The following ADAM23 variants were observed in gnomAD, a reference collection of about 807,000 sequenced individuals.
The protein encoded by ADAM23 is ADAM metallopeptidase domain 23.
ADAM23 carries 33 observed loss-of-function variants against 120.1 expected under a neutral mutation model. That is an observed-to-expected ratio of 0.27 (90% CI 0.21 to 0.37). The LOEUF is 0.37. Ranked by LOEUF, ADAM23 falls within the 10% of genes least tolerant of loss-of-function variation. ADAM23 has a pLI of 1.00. For synonymous variants in ADAM23, 367 were observed against 375.2 expected (o/e 0.98, Z 0.25); for missense variants, 862 against 1,058.2 (o/e 0.81, Z 2.57).
intron 3 of ADAM23, among the ~76,000 whole-genome samples, chr2:206,523,270 A>G (rs896526173): frequency 4.7e-5 from 7 of 149,632 alleles, no homozygotes; most frequent in African/African-American, 1.7e-4. Flanking sequence ...GCAATCTCTC[A>G]TATGGTTTAG....
chr2:206,468,257 C>G (rs181090572), intron 2 of ADAM23, among the ~76,000 whole-genome samples: 1 of 152,314 alleles, frequency 6.6e-6, no homozygotes, highest in East Asian at 1.9e-4. Context: ...GGCCAGGCTG[C>G]AAATTTTCCA....
At chr2:206,470,286 A>G (rs1056490469) in intron 2 of ADAM23, among the ~76,000 whole-genome samples, 1 of 152,174 alleles carries the variant, frequency 6.6e-6, no homozygotes, top group African/African-American at 2.4e-5. Context: ...TCAAGGCTCC[A>G]TCTAATTTTC....
At chr2:206,550,688 G>A (rs1371781326) in intron 9 of ADAM23, among the ~76,000 whole-genome samples, 1 of 146,756 alleles carries the variant, frequency 6.8e-6, no homozygotes, top group African/African-American at 2.5e-5. Flanking sequence ...TGCAAGCTCC[G>A]CCTCCCGGGT....
intron 25 of ADAM23, among the ~76,000 whole-genome samples, chr2:206,614,616 C>A (rs1222006378): frequency 1.3e-5 from 2 of 151,790 alleles, no homozygotes; most frequent in Non-Finnish European, 2.9e-5. Context: ...TGCGCCATTG[C>A]ACTCCAGCCT....
intron 3 of ADAM23, among the ~76,000 whole-genome samples, chr2:206,512,496 T>C (rs1195807581): frequency 6.6e-6 from 1 of 152,224 alleles, no homozygotes; most frequent in Non-Finnish European, 1.5e-5. Context: ...CTAAAAACTT[T>C]TGTATAAAAA....
intron 2 of ADAM23, among the ~76,000 whole-genome samples, chr2:206,477,641 A>G (rs1014786946): frequency 2.6e-5 from 4 of 152,022 alleles, no homozygotes; most frequent in African/African-American, 9.7e-5. Context: ...CTAGGATCTG[A>G]TTTTGTATTA....
intron 1 of ADAM23, 29 bp downstream of exon 1, chr2:206,444,109 G>A: frequency 7.9e-7 from 1 of 1,266,108 alleles, no homozygotes; most frequent in Non-Finnish European, 1.0e-6. Flanking sequence ...CCTTTGCGTT[G>A]GCTTTCCCGC....
At chr2:206,550,911 T>G (rs1478414233) in intron 9 of ADAM23, among the ~76,000 whole-genome samples, 1 of 152,230 alleles carries the variant, frequency 6.6e-6, no homozygotes, top group Non-Finnish European at 1.5e-5. Context: ...ACTTATCGTC[T>G]TTAAATATTG....
intron 24 of ADAM23, among the ~76,000 whole-genome samples, chr2:206,602,882 A>T (rs1698665362): frequency 6.6e-6 from 1 of 152,196 alleles, no homozygotes; most frequent in Non-Finnish European, 1.5e-5. Context: ...CCAACAAGTA[A>T]TGGAAATAAG....
At chr2:206,508,261 C>T (rs1449580280) in intron 3 of ADAM23, among the ~76,000 whole-genome samples, 2 of 152,122 alleles carry the variant, frequency 1.3e-5, no homozygotes, top group African/African-American at 4.8e-5. Flanking sequence ...GATCTGACCT[C>T]GTGATCCGCC....
intron 8 of ADAM23, 30 bp from the exon 9 acceptor site, chr2:206,550,065 A>C: frequency 7.0e-7 from 1 of 1,419,468 alleles, no homozygotes; most frequent in Non-Finnish European, 9.9e-7. Context: ...GTCAATCACT[A>C]TTCTGACCAT....
chr2:206,595,497 G>GA (rs887347823), intron 23 of ADAM23, among the ~76,000 whole-genome samples: 3 of 149,504 alleles, frequency 2.0e-5, no homozygotes, highest in Admixed American at 1.3e-4. Flanking sequence ...TGGTGGGGGG[G>GA]AATCCTTGTT....
At chr2:206,530,844 G>A (rs1490462129) in intron 3 of ADAM23, 41 bp from the exon 4 acceptor site, 1 of 1,577,444 alleles carries the variant, frequency 6.3e-7, no homozygotes, top group South Asian at 1.1e-5. Flanking sequence ...ACCTCCAAGT[G>A]TCTTAGATGC....
intron 18 of ADAM23, among the ~76,000 whole-genome samples, chr2:206,577,293 G>GGGTACATGTGCACATTGTGCAGGTTA (rs1276109066): frequency 4.0e-5 from 6 of 148,482 alleles, no homozygotes; most frequent in Admixed American, 2.7e-4. Context: ...TTAAGTTTTA[G>GGGTACATGTGCACATTGTGCAGGTTA]GGTACATGTG....
At chr2:206,577,817 A>G (rs1698145419) in intron 18 of ADAM23, among the ~76,000 whole-genome samples, 1 of 151,806 alleles carries the variant, frequency 6.6e-6, no homozygotes, top group South Asian at 2.1e-4. Flanking sequence ...TTCTAGTTCT[A>G]GATCCCTGAG....
At chr2:206,572,540 A>G (rs1559270591) in intron 17 of ADAM23, among the ~76,000 whole-genome samples, 2 of 152,166 alleles carry the variant, frequency 1.3e-5, no homozygotes, top group South Asian at 4.1e-4. Flanking sequence ...CATGTCCCCA[A>G]CCAGATTATA....
At chr2:206,523,456 A>T (rs988348693) in intron 3 of ADAM23, among the ~76,000 whole-genome samples, 1 of 152,010 alleles carries the variant, frequency 6.6e-6, no homozygotes, top group Non-Finnish European at 1.5e-5. Context: ...ACCTATAATT[A>T]TTTTCACCCA....
chr2:206,481,749 C>G (rs1695901613), intron 3 of ADAM23, among the ~76,000 whole-genome samples: 1 of 152,098 alleles, frequency 6.6e-6, no homozygotes, highest in African/African-American at 2.4e-5. Flanking sequence ...TGAGAAGATT[C>G]TTTGCTTTAT....
At chr2:206,492,096 GAC>G (rs1696146230) in intron 3 of ADAM23, among the ~76,000 whole-genome samples, 1 of 152,226 alleles carries the variant, frequency 6.6e-6, no homozygotes, top group Non-Finnish European at 1.5e-5. Context: ...GAGGAGGAAA[GAC>G]AAATCTGTAG....
Sources: gnomAD v4.1 joint callset for allele counts (sites outside exome capture counted in the v4.1 genomes callset) on GRCh38, gnomAD v4.1.1 for gene constraint, MANE v1.5 for transcripts, NCBI Gene and HGNC (gene_info 2026-07-23, HGNC 2026-07-21) for gene names.